The following OTUD7A variants were observed in gnomAD, a reference collection of about 807,000 sequenced individuals.
OTUD7A encodes the protein OTU deubiquitinase 7A, also known as OTU domain-containing protein 7A.
A neutral mutation model predicts 65.7 loss-of-function variants in OTUD7A; 12 were observed. The observed-to-expected ratio is 0.18, with a 90% CI of 0.12 to 0.30. The LOEUF (loss-of-function observed/expected upper bound fraction) is 0.30, where lower values mean the gene tolerates loss of function less well. Ranked by LOEUF, OTUD7A falls within the 10% of genes least tolerant of loss-of-function variation. The pLI is 1.00. For synonymous variants in OTUD7A, 641 were observed against 586.3 expected (o/e 1.09, Z -1.35); for missense variants, 1,148 against 1,304.8 (o/e 0.88, Z 1.85).
At chr15:31,628,322 T>C (rs1187970859) in intron 3 of OTUD7A, among the ~76,000 whole-genome samples, 1 of 152,212 alleles carries the variant, frequency 6.6e-6, no homozygotes, top group Non-Finnish European at 1.5e-5. Flanking sequence ...GCCAGCCAGT[T>C]TTCCCAGCAC....
intron 1 of OTUD7A, among the ~76,000 whole-genome samples, chr15:31,764,106 A>T (rs887270945): frequency 4.6e-5 from 7 of 152,244 alleles, no homozygotes; most frequent in African/African-American, 1.7e-4. Context: ...AATGGTACAT[A>T]TATGGATAAT....
chr15:31,830,965 A>T (rs1294879144), intron 1 of OTUD7A, among the ~76,000 whole-genome samples: 1 of 152,224 alleles, frequency 6.6e-6, no homozygotes, highest in Admixed American at 6.5e-5. Context: ...TAATAGCAGG[A>T]CCAACAATGG....
chr15:31,515,097 G>C (rs1308784121), intron 8 of OTUD7A, among the ~76,000 whole-genome samples: 3 of 152,274 alleles, frequency 2.0e-5, no homozygotes, highest in African/African-American at 7.2e-5. Context: ...CAGGGGGAGA[G>C]AATATGGAGT....
rs914364114 is a variant in OTUD7A at position 31,772,268 on chromosome 15, A to C, written c.-100+98239T>G. Among the ~76,000 whole-genome samples the C allele has an allele frequency of 5.2e-3, 788 of 152,028 alleles. 8 individuals carry two copies. Among genetic ancestry groups the C allele is most frequent in the African/African-American group, 0.018 (757 of 41,470 alleles). On this transcript the variant is annotated intron_variant, in intron 1 of 12. Transcript: ENST00000307050. ...CTCCGTCTCAAAAAAAAAAAAAAAAAAAATATTTTAGAGTGTTGATTTATT... is the reference window on the plus strand; with the variant it reads ...CTCCGTCTCAAAAAAAAAAAAAAAACAAATATTTTAGAGTGTTGATTTATT...
At chr15:31,858,826 A>G (rs1359629534) in intron 1 of OTUD7A, among the ~76,000 whole-genome samples, 1 of 152,186 alleles carries the variant, frequency 6.6e-6, no homozygotes. Context: ...CTAAAATGTC[A>G]GGGAGGCAGT....
chr15:31,487,643 G>C lies in OTUD7A; in HGVS notation c.1172-77C>G. 1 of 1,185,902 alleles carries C rather than the reference G, an allele frequency of 8.4e-7. No homozygotes were observed. 73.5% of individuals were successfully genotyped at this position (1,185,902 alleles called of 1,614,324 possible). ...GGATGGCAAGGAAATTCCCAAGCCA[G>C]GTATCTGGGTGACAAATGCACCGAG... On this transcript the variant is annotated intron_variant, in intron 10 of 12. Coordinates refer to ENST00000307050, the MANE Select transcript of OTUD7A (RefSeq NM_001382637.1). The surrounding 1 kb of genome is among the most constrained non-coding windows in gnomAD (Gnocchi z 6.0).
At chr15:31,664,294 T>TGTAGAAGGGC (rs752364714) in intron 1 of OTUD7A, among the ~76,000 whole-genome samples, 1 of 87,596 alleles carries the variant, frequency 1.1e-5, no homozygotes, top group African/African-American at 8.3e-5. Context: ...CACCAGAACA[T>TGTAGAAGGGC]TCCCTGTTCA....
chr15:31,631,260 A>G (rs1182082594), intron 3 of OTUD7A, among the ~76,000 whole-genome samples: 2 of 152,192 alleles, frequency 1.3e-5, no homozygotes, highest in Non-Finnish European at 2.9e-5. Context: ...TTCTTCCTTT[A>G]AGAGCTCTTT....
intron 3 of OTUD7A, among the ~76,000 whole-genome samples, chr15:31,626,444 T>C (rs1890954435): frequency 6.6e-6 from 1 of 152,188 alleles, no homozygotes; most frequent in South Asian, 2.1e-4. Flanking sequence ...TTTTGCATGT[T>C]TGAAAAATTT....
rs1296615602 is a variant in OTUD7A, at chr15:31,476,720, T to C, written c.*6574A>G. On this transcript the variant is annotated 3_prime_UTR_variant, in exon 13 of 13. Transcript: ENST00000307050. ...CCTGAAAATATGGCATCAAGAGAAA[T>C]GACAGCAAAACCACGGAAGTGGATT... 6.6e-6 allele frequency: 1 copy of C among 152,176 alleles called. No homozygotes were observed. The highest frequency in any genetic ancestry group is 1.9e-4 in the East Asian group (1 of 5,190). 9.4% of individuals were successfully genotyped at this position (152,176 alleles called of 1,614,324 possible).
chr15:31,648,183 C>T (rs546444431), intron 3 of OTUD7A, among the ~76,000 whole-genome samples: 40 of 152,160 alleles, frequency 2.6e-4, no homozygotes, highest in Non-Finnish European at 5.0e-4. Context: ...AGGGGCCTGC[C>T]GGGCACCTGC....
At chr15:31,739,216 G>A (rs1894272356) in intron 1 of OTUD7A, among the ~76,000 whole-genome samples, 1 of 152,114 alleles carries the variant, frequency 6.6e-6, no homozygotes, top group Non-Finnish European at 1.5e-5. Context: ...CCAGTGTAGG[G>A]ACCCAACAAA....
intron 1 of OTUD7A, among the ~76,000 whole-genome samples, chr15:31,741,999 T>G (rs1344034598): frequency 2.0e-5 from 3 of 152,032 alleles, no homozygotes; most frequent in Non-Finnish European, 4.4e-5. Context: ...AAAATAAAAC[T>G]TACCAAGGCT....
chr15:31,548,080 A>AAG (rs770165451), intron 5 of OTUD7A, among the ~76,000 whole-genome samples: 2 of 152,168 alleles, frequency 1.3e-5, no homozygotes, highest in African/African-American at 2.4e-5. Flanking sequence ...TATACTCCTA[A>AAG]AAATTTGATA....
intron 1 of OTUD7A, among the ~76,000 whole-genome samples, chr15:31,841,774 A>G (rs1175043439): frequency 1.3e-5 from 2 of 152,238 alleles, no homozygotes; most frequent in Middle Eastern, 6.8e-3. Context: ...CATGTACTCT[A>G]CCTGGAAACC....
intron 1 of OTUD7A, among the ~76,000 whole-genome samples, chr15:31,749,966 G>A (rs1364962414): frequency 6.6e-6 from 1 of 151,950 alleles, no homozygotes; most frequent in Admixed American, 6.6e-5. Flanking sequence ...CATTTACAAT[G>A]GCCACACAAA....
At chr15:31,607,723 C>G (rs986150036) in intron 3 of OTUD7A, among the ~76,000 whole-genome samples, 1 of 152,090 alleles carries the variant, frequency 6.6e-6, no homozygotes, top group African/African-American at 2.4e-5. Context: ...GTTACAATTA[C>G]CTACGGTACT....
intron 6 of OTUD7A, among the ~76,000 whole-genome samples, chr15:31,527,993 A>C (rs1475548438): frequency 6.6e-6 from 1 of 152,226 alleles, no homozygotes; most frequent in African/African-American, 2.4e-5. Context: ...CTCTGGCTAC[A>C]AGGGAAAACA....
intron 3 of OTUD7A, among the ~76,000 whole-genome samples, chr15:31,583,242 T>C (rs1209103255): frequency 6.6e-6 from 1 of 152,188 alleles, no homozygotes; most frequent in Non-Finnish European, 1.5e-5. Context: ...TGATAGTCTC[T>C]AGCAAGAGGC....
Sources: allele counts gnomAD v4.1 joint callset (sites outside exome capture counted in the v4.1 genomes callset), GRCh38; gene constraint gnomAD v4.1.1; non-coding constraint Gnocchi (gnomAD v3.1); transcripts MANE v1.5; gene names NCBI Gene and HGNC (gene_info 2026-07-23, HGNC 2026-07-21).